Variants in HPSE2 observed in about 807,000 individuals in gnomAD.
HPSE2 encodes inactive heparanase-2.
In HPSE2, 38 loss-of-function variants were observed where a neutral mutation model predicts 60.5. The ratio of observed to expected loss-of-function variants is 0.63; its 90% CI spans 0.48 to 0.82. The LOEUF is 0.82. Among genes scored for constraint, HPSE2 ranks in the 40% least tolerant of loss-of-function variants. HPSE2 has a pLI of 0.00. For synonymous variants in HPSE2, 295 were observed against 293.2 expected, an observed-to-expected ratio of 1.01 and a Z score of -0.06; for missense variants, 713 against 740.4, an observed-to-expected ratio of 0.96 and a Z score of 0.43.
intron 2 of HPSE2, among the ~76,000 whole-genome samples, chr10:99,180,252 T>C (rs1053854139): frequency 3.3e-5 from 5 of 152,048 alleles, no homozygotes; most frequent in African/African-American, 9.7e-5. Flanking sequence ...GAAGCCAAAA[T>C]TGACAAATGG....
At chr10:98,825,858 T>G (rs1444567432) in intron 3 of HPSE2, among the ~76,000 whole-genome samples, 1 of 152,210 alleles carries the variant, frequency 6.6e-6, no homozygotes, top group Non-Finnish European at 1.5e-5. Context: ...CATGAATGCA[T>G]GTGGTGCCAA....
chr10:99,257,684 C>T, the HPSE2 span, among the ~76,000 whole-genome samples: 2 of 152,148 alleles, frequency 1.3e-5, no homozygotes, highest in Non-Finnish European at 2.9e-5. Context: ...CTTGCCCTGC[C>T]TCCATTTGCC....
At chr10:98,898,528 A>T (rs1240808626) in intron 3 of HPSE2, among the ~76,000 whole-genome samples, 2 of 152,160 alleles carry the variant, frequency 1.3e-5, no homozygotes, top group Admixed American at 1.3e-4. Context: ...AAAAGGCAAA[A>T]TATCAAGATA....
At chr10:98,972,907 A>C (rs1026431567) in intron 3 of HPSE2, among the ~76,000 whole-genome samples, 15 of 152,176 alleles carry the variant, frequency 9.9e-5, no homozygotes, top group African/African-American at 2.7e-4. Context: ...GGGGAGCTCC[A>C]GGTGGGTAAG....
chr10:98,539,993 G>T (rs965194687), intron 9 of HPSE2, among the ~76,000 whole-genome samples: 1 of 152,230 alleles, frequency 6.6e-6, no homozygotes, highest in African/African-American at 2.4e-5. Context: ...TTCAGGCCCT[G>T]CCTGGTCAGT....
At chr10:98,957,229 G>A (rs1183051586) in intron 3 of HPSE2, among the ~76,000 whole-genome samples, 3 of 152,156 alleles carry the variant, frequency 2.0e-5, no homozygotes, top group Non-Finnish European at 4.4e-5. Flanking sequence ...CATGCTATAT[G>A]AAGGATACTT....
chr10:98,734,364 T>C (rs1401120502), intron 4 of HPSE2, among the ~76,000 whole-genome samples: 3 of 152,210 alleles, frequency 2.0e-5, no homozygotes, highest in Non-Finnish European at 4.4e-5. Flanking sequence ...CTTGGATATA[T>C]ATCTAGAAGT....
chr10:99,307,163 A>C, the HPSE2 span, among the ~76,000 whole-genome samples: 130,535 of 152,152 alleles, frequency 0.86, 56,376 homozygotes, highest in African/African-American at 0.93. Flanking sequence ...TGCTCCATTT[A>C]CTGACTCCTG....
At chr10:98,880,716 T>G (rs1318037047) in intron 3 of HPSE2, among the ~76,000 whole-genome samples, 1 of 152,080 alleles carries the variant, frequency 6.6e-6, no homozygotes, top group Non-Finnish European at 1.5e-5. Context: ...TAACAAGTGT[T>G]GCCCCAGAGG....
chr10:98,562,898 A>T (rs1385345424), intron 9 of HPSE2, among the ~76,000 whole-genome samples: 1 of 152,050 alleles, frequency 6.6e-6, no homozygotes, highest in African/African-American at 2.4e-5. Context: ...AAGAGGTTTG[A>T]TATAGCAAAT....
At chr10:98,591,144 CCT>C (rs1945079368) in intron 9 of HPSE2, among the ~76,000 whole-genome samples, 1 of 151,604 alleles carries the variant, frequency 6.6e-6, no homozygotes, top group Non-Finnish European at 1.5e-5. Flanking sequence ...AAGAAGAGCC[CCT>C]GACACTGCCA....
chr10:98,823,227 C>T (rs1222515294), intron 3 of HPSE2, among the ~76,000 whole-genome samples: 1 of 152,216 alleles, frequency 6.6e-6, no homozygotes, highest in Non-Finnish European at 1.5e-5. Flanking sequence ...GACTTCTGAT[C>T]TCCCAAAGTG....
intron 3 of HPSE2, among the ~76,000 whole-genome samples, chr10:98,985,373 T>C (rs1269406741): frequency 1.3e-5 from 2 of 152,188 alleles, no homozygotes; most frequent in Non-Finnish European, 2.9e-5. Flanking sequence ...AACCAAGAAT[T>C]TCATATCCAG....
intron 6 of HPSE2, among the ~76,000 whole-genome samples, chr10:98,668,001 C>T (rs1947411760): frequency 6.6e-6 from 1 of 152,088 alleles, no homozygotes; most frequent in Non-Finnish European, 1.5e-5. Flanking sequence ...TTTCTCTTTG[C>T]TGATGATATA....
intron 5 of HPSE2, among the ~76,000 whole-genome samples, chr10:98,717,087 T>TA (rs1491573432): frequency 6.6e-6 from 1 of 152,192 alleles, no homozygotes; most frequent in African/African-American, 2.4e-5. Context: ...TTGTACTTTT[T>TA]ATGTTATGGA....
intron 9 of HPSE2, among the ~76,000 whole-genome samples, chr10:98,529,699 G>A (rs974695344): frequency 3.3e-5 from 5 of 152,136 alleles, no homozygotes; most frequent in African/African-American, 1.2e-4. Flanking sequence ...ACTTCAAGCA[G>A]TAAGTACAGA....
intron 5 of HPSE2, among the ~76,000 whole-genome samples, chr10:98,706,350 C>A (rs1948548060): frequency 1.3e-5 from 2 of 152,192 alleles, no homozygotes; most frequent in South Asian, 4.1e-4. Flanking sequence ...TTGTTAGCTT[C>A]CTCTCACAGA....
chr10:98,966,235 G>T (rs1241273301), intron 3 of HPSE2, among the ~76,000 whole-genome samples: 1 of 152,198 alleles, frequency 6.6e-6, no homozygotes, highest in East Asian at 1.9e-4. Flanking sequence ...GAGTTTTAAA[G>T]GATGAGTAGA....
rs563758459 is a variant in HPSE2, at chr10:98,644,046, T to A, written c.1005-2106A>T. Among the ~76,000 whole-genome samples the A allele has an allele frequency of 1.5e-4, 23 of 152,306 alleles. No individual in the cohort carries two copies. In the South Asian group the frequency reaches 4.1e-3, roughly 27 times the overall value. On this transcript the variant is annotated intron_variant, in intron 6 of 11. Transcript: ENST00000370552. ...ATGTAATTTTTCAGTAGGTAGGATT[T>A]CCTGTGAAGAACCTCCCTAGCCTAC... is the stretch of plus-strand genomic sequence containing the variant.
Sources: gnomAD v4.1 joint callset for allele counts (sites outside exome capture counted in the v4.1 genomes callset) on GRCh38, gnomAD v4.1.1 for gene constraint, MANE v1.5 for transcripts, NCBI Gene and HGNC (gene_info 2026-07-23, HGNC 2026-07-21) for gene names.